CPNE4: variants seen among roughly 807,000 people sequenced by gnomAD.
The protein encoded by CPNE4 is copine-4.
CPNE4 carries 25 observed loss-of-function variants against 67.9 expected under a neutral mutation model. The ratio of observed to expected loss-of-function variants is 0.37; its 90% CI spans 0.27 to 0.51. The LOEUF is 0.51. CPNE4 is among the 20% of genes least tolerant of loss of function. The probability of loss-of-function intolerance (pLI) is 0.93; values close to 1 mark genes in which losing one functional copy is unlikely to be tolerated. For missense variants in CPNE4, 464 were observed against 690.8 expected, an observed-to-expected ratio of 0.67 and a Z score of 3.68; for synonymous variants, 242 against 244.9, an observed-to-expected ratio of 0.99 and a Z score of 0.11.
chr3:131,803,019 G>T (rs932962038), intron 2 of CPNE4, among the ~76,000 whole-genome samples: 3 of 152,154 alleles, frequency 2.0e-5, no homozygotes, highest in Non-Finnish European at 4.4e-5. Flanking sequence ...AGGTTAGTTT[G>T]TTGGAGGATT....
intron 1 of CPNE4, among the ~76,000 whole-genome samples, chr3:131,964,821 C>T (rs1486366842): frequency 6.6e-6 from 1 of 152,088 alleles, no homozygotes; most frequent in Non-Finnish European, 1.5e-5. Context: ...TCTAGGAGAA[C>T]ATCCCCAACC....
chr3:131,624,966 C>T (rs73871315), intron 7 of CPNE4, among the ~76,000 whole-genome samples: 3,711 of 152,210 alleles, frequency 0.024, 95 homozygotes, highest in East Asian at 0.061. Flanking sequence ...GCTTCTGGTC[C>T]TTACCCTATG....
At chr3:131,672,353 T>A (rs1215530771) in intron 6 of CPNE4, among the ~76,000 whole-genome samples, 1 of 152,066 alleles carries the variant, frequency 6.6e-6, no homozygotes, top group Non-Finnish European at 1.5e-5. Flanking sequence ...CCTAGCAGTG[T>A]GATTGCTGGG....
At position 131,721,676 on chromosome 3, in the gene CPNE4, T is replaced by C. The variant is rs149713309; in HGVS notation, c.360+1770A>G. Among the ~76,000 whole-genome samples, 916 of 152,276 alleles carry C rather than the reference T, an allele frequency of 6.0e-3. 5 individuals carry two copies. Among genetic ancestry groups the C allele is most frequent in the African/African-American group, 0.019 (770 of 41,570 alleles). On this transcript the variant is annotated intron_variant, in intron 3 of 15. Transcript: ENST00000429747. The stretch of plus-strand genomic sequence containing the variant: ...TCCCAAAGTGCTAGGATTACTGGTG[T>C]GAGCCACCGCGCCTGGCCGGATCTA...
intron 7 of CPNE4, among the ~76,000 whole-genome samples, chr3:131,626,489 C>T (rs977895394): frequency 6.6e-6 from 1 of 152,154 alleles, no homozygotes; most frequent in Admixed American, 6.5e-5. Context: ...AAAGCCCAAT[C>T]CAGAGTAAGT....
chr3:131,792,925 G>GTGTGTGTA (rs58502463), intron 2 of CPNE4, among the ~76,000 whole-genome samples: 24 of 135,142 alleles, frequency 1.8e-4, no homozygotes, highest in Non-Finnish European at 2.6e-4. Context: ...GTGTGTGTGT[G>GTGTGTGTA]TATCTCCAAC....
intron 7 of CPNE4, among the ~76,000 whole-genome samples, chr3:131,627,322 C>G (rs893239555): frequency 3.3e-5 from 5 of 152,078 alleles, no homozygotes; most frequent in African/African-American, 7.2e-5. Flanking sequence ...GCGTGGCTTT[C>G]TGAAAGTTTA....
intron 2 of CPNE4, among the ~76,000 whole-genome samples, chr3:131,759,247 G>A (rs890368876): frequency 6.6e-6 from 1 of 152,090 alleles, no homozygotes; most frequent in South Asian, 2.1e-4. Context: ...GTTGGTTTTG[G>A]AACTCTAGGA....
At chr3:131,908,249 C>T (rs555835606) in intron 1 of CPNE4, among the ~76,000 whole-genome samples, 1 of 152,216 alleles carries the variant, frequency 6.6e-6, no homozygotes, top group Non-Finnish European at 1.5e-5. Flanking sequence ...AAGTCTATAG[C>T]TTCATAAACC....
intron 2 of CPNE4, among the ~76,000 whole-genome samples, chr3:131,766,951 A>T (rs944359219): frequency 6.6e-6 from 1 of 152,180 alleles, no homozygotes; most frequent in Non-Finnish European, 1.5e-5. Context: ...ATGGCAAATA[A>T]CATGTTGCTA....
intron 9 of CPNE4, among the ~76,000 whole-genome samples, chr3:131,576,946 A>G (rs1937564363): frequency 6.6e-6 from 1 of 152,084 alleles, no homozygotes; most frequent in Admixed American, 6.6e-5. Flanking sequence ...GAACTAAAAA[A>G]TGATTGGTTT....
rs1026163010 is a variant in CPNE4, at chr3:131,722,538, G to GT, written c.360+907dup. On this transcript the variant is annotated intron_variant, in intron 3 of 15. Coordinates refer to ENST00000429747, the MANE Select transcript of CPNE4 (RefSeq NM_130808.3). The stretch of plus-strand genomic sequence containing the variant: ...CTTTCTTCTGCAATCCCTAGATAAT[G>GT]TTTTTTTCAGATTTTGGTGCCACAA... 3.3e-5 allele frequency among the ~76,000 whole-genome samples: 5 copies of GT among 150,274 alleles called. No individual in the cohort carries two copies. The East Asian group carries it at 9.9e-4, about 30-fold the overall frequency.
intron 3 of CPNE4, 43 bp from the exon 4 acceptor site, chr3:131,700,023 A>G: frequency 2.7e-6 from 3 of 1,128,898 alleles, no homozygotes; most frequent in South Asian, 2.6e-5. Flanking sequence ...TAGAGATACT[A>G]GTCATTTAAC....
chr3:131,997,532 G>C (rs1042607982), intron 1 of CPNE4, among the ~76,000 whole-genome samples: 9 of 152,106 alleles, frequency 5.9e-5, no homozygotes, highest in African/African-American at 2.2e-4. Context: ...TGAATAAAAT[G>C]AAAGGGCTGG....
At chr3:131,926,150 T>C (rs569375752) in intron 1 of CPNE4, among the ~76,000 whole-genome samples, 19 of 152,194 alleles carry the variant, frequency 1.2e-4, no homozygotes, top group African/African-American at 4.3e-4. Flanking sequence ...CCATGGAGAA[T>C]TTAGAGAAAG....
intron 1 of CPNE4, among the ~76,000 whole-genome samples, chr3:132,007,613 T>C (rs1456435641): frequency 1.3e-5 from 2 of 152,120 alleles, no homozygotes; most frequent in East Asian, 1.9e-4. Flanking sequence ...TGCACAACCA[T>C]ACACAGCAGC....
intron 2 of CPNE4, among the ~76,000 whole-genome samples, chr3:131,742,139 T>G (rs2082372526): frequency 2.0e-5 from 3 of 152,208 alleles, no homozygotes; most frequent in Admixed American, 2.0e-4. Context: ...TGAAGGTATT[T>G]CTGGATGAGA....
intron 2 of CPNE4, among the ~76,000 whole-genome samples, chr3:131,724,830 T>G (rs930642341): frequency 2.0e-5 from 3 of 152,230 alleles, no homozygotes; most frequent in African/African-American, 7.2e-5. Flanking sequence ...TTAAACTGTT[T>G]GGGTATGCCA....
At chr3:131,696,730 C>G in intron 4 of CPNE4, 114 bp from the exon 5 acceptor site, 1 of 934,010 alleles carries the variant, frequency 1.1e-6, no homozygotes, top group Non-Finnish European at 1.7e-6. Flanking sequence ...AAATGTTGGG[C>G]AAAGAGTTTT....
Sources: allele counts gnomAD v4.1 joint callset (sites outside exome capture counted in the v4.1 genomes callset), GRCh38; gene constraint gnomAD v4.1.1; transcripts MANE v1.5; gene names NCBI Gene and HGNC (gene_info 2026-07-23, HGNC 2026-07-21).